The following SMIM7 variants were observed in gnomAD, a reference collection of about 807,000 sequenced individuals.
SMIM7 encodes the protein small integral membrane protein 7.
In SMIM7, 12 loss-of-function variants were observed where a neutral mutation model predicts 13.3. The ratio of observed to expected loss-of-function variants is 0.90; its 90% CI spans 0.58 to 1.46. The LOEUF is 1.46. Ranked by LOEUF, SMIM7 falls within the 40% of genes most tolerant of loss-of-function variation. SMIM7 has a pLI of 0.00. For synonymous variants in SMIM7, 36 were observed against 35.8 expected, an observed-to-expected ratio of 1.01 and a Z score of -0.02; for missense variants, 114 against 94.8, an observed-to-expected ratio of 1.20 and a Z score of -0.84.
At position 16,654,073 on chromosome 19, in the gene SMIM7, G is replaced by C. The variant is rs201376648; in HGVS notation, c.174C>G (p.Ile58Met). Residue 58 changes from isoleucine to methionine, a missense_variant, in exon 4 of 5, where the codon ATC (isoleucine) becomes ATG (methionine). By Grantham distance (10) the Ile-to-Met change is conservative. Coordinates refer to ENST00000487416, the MANE Select transcript of SMIM7 (RefSeq NM_024104.4). The part of the protein sequence containing the change: ...LLSLRYFRIF[I>M]ALWNIFMMFC... Reference sequence around the variant, plus strand: ...ACATCATGAAGATGTTCCACAGGGCGATGAAGATTCGAAAGTATCTGAGGC... The same window carrying C: ...ACATCATGAAGATGTTCCACAGGGCCATGAAGATTCGAAAGTATCTGAGGC... The C allele has an allele frequency of 5.0e-5, 80 of 1,613,962 alleles. No homozygotes were observed. Among genetic ancestry groups the C allele is most frequent in the Admixed American group, 6.7e-5 (4 of 59,986 alleles).
chr19:16,651,211 T>C (rs1225503241), intron 4 of SMIM7, among the ~76,000 whole-genome samples: 1 of 152,152 alleles, frequency 6.6e-6, no homozygotes, highest in East Asian at 1.9e-4. Context: ...GGGTCAGAGG[T>C]TGGCACATTT....
Position 16,648,196 on chromosome 19 carries a change from C to T in SMIM7, c.213-935G>A, listed in dbSNP as rs566817353. Reference sequence around the variant, plus strand: ...CACTCTGTTGCTCAGGGTGGAGTGCCGTGGGGCGATCTCGGCTCACTACAA... The same window carrying T: ...CACTCTGTTGCTCAGGGTGGAGTGCTGTGGGGCGATCTCGGCTCACTACAA... On this transcript the variant is annotated intron_variant, in intron 4 of 4. Transcript: ENST00000487416. Among the ~76,000 whole-genome samples the T allele has an allele frequency of 3.8e-3, 579 of 152,144 alleles. 4 individuals carry two copies. Among genetic ancestry groups the T allele is most frequent in the Middle Eastern group, 0.024 (7 of 294 alleles).
chr19:16,636,813 T>G (rs1050610394), intron 4 of SMIM7, among the ~76,000 whole-genome samples: 1 of 151,610 alleles, frequency 6.6e-6, no homozygotes, highest in African/African-American at 2.4e-5. Flanking sequence ...AATAGCTGGG[T>G]GTGGTAGCAT....
intron 2 of SMIM7, 128 bp downstream of exon 2, chr19:16,659,831 C>A (rs551336747): frequency 5.5e-6 from 7 of 1,276,690 alleles, no homozygotes; most frequent in South Asian, 5.1e-5. Flanking sequence ...GGAGGCGTGC[C>A]CAGAGGGCGG....
At chr19:16,639,374 C>T (rs867149176) in intron 4 of SMIM7, among the ~76,000 whole-genome samples, 27 of 152,134 alleles carry the variant, frequency 1.8e-4, no homozygotes, top group African/African-American at 6.3e-4. Flanking sequence ...TGCCCGCCTC[C>T]GCCTCCCAAA....
At position 16,637,995 on chromosome 19, in the gene SMIM7, C is replaced by T. The variant is rs550145612; in HGVS notation, c.*138-6271G>A. ...AAGGGAGGCTGGTTGTGGTGGCTCA[C>T]GCCTGTAATCCCAGCACTTTGGGAG... On this transcript the variant is annotated intron_variant and NMD_transcript_variant, in intron 4 of 4. Transcript: ENST00000465250. Among the ~76,000 whole-genome samples the T allele has an allele frequency of 8.5e-5, 13 of 152,092 alleles. No homozygotes were observed. The East Asian group carries it at 1.7e-3, about 20-fold the overall frequency.
At chr19:16,639,316 G>C (rs1568298194) in intron 4 of SMIM7, among the ~76,000 whole-genome samples, 1 of 151,862 alleles carries the variant, frequency 6.6e-6, no homozygotes, top group African/African-American at 2.4e-5. Context: ...TAGAGACGGG[G>C]TTTCACCGTG....
At chr19:16,647,748 G>A (rs989542508) in intron 4 of SMIM7, among the ~76,000 whole-genome samples, 22 of 152,016 alleles carry the variant, frequency 1.4e-4, no homozygotes, top group Admixed American at 1.1e-3. Flanking sequence ...GAGCCACTCC[G>A]CACAGCCAAC....
intron 4 of SMIM7, among the ~76,000 whole-genome samples, chr19:16,651,314 A>T (rs2086521785): frequency 6.6e-6 from 1 of 152,210 alleles, no homozygotes; most frequent in African/African-American, 2.4e-5. Context: ...GTGACACAGA[A>T]GCAGCCACAC....
At chr19:16,635,895 A>ATATATATATAT (rs1225099534) in intron 4 of SMIM7, among the ~76,000 whole-genome samples, 23 of 132,558 alleles carry the variant, frequency 1.7e-4, no homozygotes, top group African/African-American at 7.3e-4. Context: ...AAAAAAAAAA[A>ATATATATATAT]AAAAATATAT....
exon 5 of SMIM7, chr19:16,631,647 AG>A (rs1216171140): frequency 1.3e-5 from 2 of 152,212 alleles, no homozygotes; most frequent in African/African-American, 4.8e-5. Context: ...GTACAGGAAT[AG>A]TCTTCCACAG....
At chr19:16,655,157 A>G in intron 3 of SMIM7, 1 of 352,860 alleles carries the variant, frequency 2.8e-6, no homozygotes, top group Non-Finnish European at 5.7e-6. Flanking sequence ...AACCACTTTG[A>G]GCTGGGTTTG....
chr19:16,658,894 G>A (rs1379133227), intron 3 of SMIM7, among the ~76,000 whole-genome samples: 3 of 152,004 alleles, frequency 2.0e-5, no homozygotes, highest in Non-Finnish European at 4.4e-5. Flanking sequence ...GAAGTGATGT[G>A]AGTGCTCACA....
intron 4 of SMIM7, among the ~76,000 whole-genome samples, chr19:16,652,100 T>C (rs1424507746): frequency 8.5e-5 from 13 of 152,232 alleles, no homozygotes; most frequent in Non-Finnish European, 1.6e-4. Flanking sequence ...GAATGCTGAC[T>C]TCTTCCCTGC....
At chr19:16,639,077 T>C (rs1262452755) in intron 4 of SMIM7, 1 of 151,892 alleles carries the variant, frequency 6.6e-6, no homozygotes, top group African/African-American at 2.4e-5. Flanking sequence ...TAATGTAAAC[T>C]AGACACCAAT....
chr19:16,637,776 GTAAC>G (rs2122493116), intron 4 of SMIM7, among the ~76,000 whole-genome samples: 1 of 152,344 alleles, frequency 6.6e-6, no homozygotes, highest in South Asian at 2.1e-4. Flanking sequence ...GCCAAGGAGA[GTAAC>G]TAACAGCAGC....
At chr19:16,642,211 C>T (rs2086408994), downstream of SMIM7, among the ~76,000 whole-genome samples, 1 of 152,162 alleles carries the variant, frequency 6.6e-6, no homozygotes, top group Admixed American at 6.5e-5. Flanking sequence ...CAACTGGGGA[C>T]TGGTTAAATT....
intron 3 of SMIM7, among the ~76,000 whole-genome samples, chr19:16,658,246 G>A (rs2086622290): frequency 6.6e-6 from 1 of 152,150 alleles, no homozygotes; most frequent in Non-Finnish European, 1.5e-5. Context: ...TAGAAACCAT[G>A]TGTCCCACCC....
chr19:16,655,646 A>T (rs564614150), intron 3 of SMIM7, among the ~76,000 whole-genome samples: 1 of 134,904 alleles, frequency 7.4e-6, no homozygotes, highest in Admixed American at 8.5e-5. Flanking sequence ...GTGTCACTGC[A>T]CTCCAGCCTG....
Sources: gnomAD v4.1 joint callset for allele counts (sites outside exome capture counted in the v4.1 genomes callset) on GRCh38, gnomAD v4.1.1 for gene constraint, MANE v1.5 for transcripts, NCBI Gene and HGNC (gene_info 2026-07-23, HGNC 2026-07-21) for gene names.